The following STPG2 variants were observed in gnomAD, a reference collection of about 807,000 sequenced individuals.
The protein encoded by STPG2 is sperm-tail PG-rich repeat-containing protein 2.
Under a neutral mutation model 54.2 loss-of-function variants are expected in STPG2, and 56 were observed. The ratio of observed to expected loss-of-function variants is 1.03; its 90% CI spans 0.83 to 1.29. STPG2 has a LOEUF of 1.29. STPG2 is among the 50% of genes most tolerant of loss of function. The pLI, the probability that STPG2 is intolerant of heterozygous loss-of-function variation, is 0.00. For missense variants in STPG2, 596 were observed against 544.9 expected, an observed-to-expected ratio of 1.09 and a Z score of -0.93; for synonymous variants, 200 against 181.8, an observed-to-expected ratio of 1.10 and a Z score of -0.81.
intron 4 of STPG2, among the ~76,000 whole-genome samples, chr4:97,504,357 C>G (rs1277339614): frequency 6.6e-6 from 1 of 151,216 alleles, no homozygotes; most frequent in African/African-American, 2.4e-5. Context: ...AGTTTATAGT[C>G]TACTCAACTG....
intron 9 of STPG2, among the ~76,000 whole-genome samples, chr4:97,832,528 A>G (rs1728501365): frequency 6.6e-6 from 1 of 152,178 alleles, no homozygotes; most frequent in Admixed American, 6.5e-5. Context: ...CAATCAGGCA[A>G]GAGAAAGATA....
intron 10 of STPG2, among the ~76,000 whole-genome samples, chr4:97,701,954 A>G (rs942619140): frequency 5.3e-5 from 8 of 152,176 alleles, no homozygotes; most frequent in African/African-American, 1.9e-4. Flanking sequence ...GTTAGATGTG[A>G]CATACAGAGA....
At chr4:97,962,741 A>C (rs756288481) in intron 7 of STPG2, among the ~76,000 whole-genome samples, 1 of 152,236 alleles carries the variant, frequency 6.6e-6, no homozygotes, top group Non-Finnish European at 1.5e-5. Context: ...TACTAAGTAC[A>C]AAGAGTTTAA....
chr4:97,677,370 AATG>A (rs1488012211), intron 10 of STPG2, among the ~76,000 whole-genome samples: 2 of 152,182 alleles, frequency 1.3e-5, no homozygotes, highest in African/African-American at 4.8e-5. Flanking sequence ...TCATGAAAAA[AATG>A]ATGACTGGGT....
intron 9 of STPG2, among the ~76,000 whole-genome samples, chr4:97,823,257 G>A (rs895524528): frequency 5.9e-5 from 9 of 152,336 alleles, no homozygotes; most frequent in African/African-American, 1.9e-4. Flanking sequence ...TGGCTTCAAA[G>A]CTTCAAAGGA....
intron 10 of STPG2, among the ~76,000 whole-genome samples, chr4:97,602,910 A>C (rs1178967563): frequency 6.6e-6 from 1 of 151,746 alleles, no homozygotes; most frequent in Non-Finnish European, 1.5e-5. Flanking sequence ...AATACATAAC[A>C]TCATCTAGAC....
intron 9 of STPG2, among the ~76,000 whole-genome samples, chr4:97,829,895 T>G (rs994366444): frequency 6.6e-6 from 1 of 152,170 alleles, no homozygotes; most frequent in African/African-American, 2.4e-5. Flanking sequence ...AATCTACGTT[T>G]GTTAGGTGTA....
At chr4:97,800,493 A>T (rs1490811781) in intron 9 of STPG2, among the ~76,000 whole-genome samples, 3 of 152,228 alleles carry the variant, frequency 2.0e-5, no homozygotes, top group Non-Finnish European at 4.4e-5. Flanking sequence ...GCTGCAGAAT[A>T]GCGAATATTG....
At chr4:97,892,460 A>G (rs529472039) in intron 8 of STPG2, among the ~76,000 whole-genome samples, 1 of 152,296 alleles carries the variant, frequency 6.6e-6, no homozygotes, top group African/African-American at 2.4e-5. Flanking sequence ...GAAAGAGAAC[A>G]AAATGCCTTA....
chr4:97,911,879 C>G (rs551155551), intron 8 of STPG2, among the ~76,000 whole-genome samples: 1 of 152,146 alleles, frequency 6.6e-6, no homozygotes, highest in Non-Finnish European at 1.5e-5. Flanking sequence ...CCCGTTCTTC[C>G]CGACTGGGTG....
rs1733647533 is a variant in STPG2, at chr4:97,608,408, GC to G, written c.1321-49292del. ...AGTGGCACAGGTATAAGTGAGCTGA[GC>G]CCGTGTGAAGAGAAGGGAGGAATCG... On this transcript the variant is annotated intron_variant, in intron 10 of 10. Transcript: ENST00000295268. 2.0e-5 allele frequency among the ~76,000 whole-genome samples: 3 copies of G among 152,124 alleles called. No individual in the cohort carries two copies. In the South Asian group the frequency reaches 6.2e-4, roughly 32 times the overall value.
At position 98,089,492 on chromosome 4, in the gene STPG2, G is replaced by T. The variant is rs76873182; in HGVS notation, c.612+16461C>A. 3.4e-3 allele frequency among the ~76,000 whole-genome samples: 511 copies of T among 151,652 alleles called. 2 individuals are homozygous for T. Among genetic ancestry groups the T allele is most frequent in the Non-Finnish European group, 5.5e-3 (372 of 67,850 alleles). On this transcript the variant is annotated intron_variant, in intron 5 of 10. Transcript: ENST00000295268. The stretch of plus-strand genomic sequence containing the variant: ...GTTGGTTCCATATCTTTGCAATTGC[G>T]AACTGTGCTACTAAAAACATGCATG...
chr4:97,910,719 G>A (rs1431403038), intron 8 of STPG2, among the ~76,000 whole-genome samples: 1 of 152,072 alleles, frequency 6.6e-6, no homozygotes, highest in Admixed American at 6.6e-5. Flanking sequence ...ACTAAAATGA[G>A]AAAAGACAGT....
chr4:97,455,066 A>C (rs1478295875), intron 4 of STPG2, among the ~76,000 whole-genome samples: 1 of 152,188 alleles, frequency 6.6e-6, no homozygotes. Flanking sequence ...TAGAAAAAAA[A>C]ATCTAGACAC....
intron 4 of STPG2, among the ~76,000 whole-genome samples, chr4:97,513,907 A>G (rs900879357): frequency 6.6e-6 from 1 of 152,148 alleles, no homozygotes; most frequent in Non-Finnish European, 1.5e-5. Context: ...TGAGTCCCCA[A>G]AAAAGAATTG....
intron 10 of STPG2, among the ~76,000 whole-genome samples, chr4:97,711,660 A>G (rs370899108): frequency 2.1e-5 from 3 of 139,956 alleles, no homozygotes; most frequent in African/African-American, 7.9e-5. Context: ...TTTTATTTTT[A>G]TTTACTTACT....
intron 3 of STPG2, among the ~76,000 whole-genome samples, chr4:98,123,690 A>G (rs999031007): frequency 4.6e-5 from 7 of 152,180 alleles, no homozygotes; most frequent in South Asian, 2.1e-4. Flanking sequence ...AGTTCTGTAG[A>G]TATCTATCAG....
chr4:97,855,174 C>T (rs1729294767), intron 8 of STPG2, among the ~76,000 whole-genome samples: 1 of 152,070 alleles, frequency 6.6e-6, no homozygotes, highest in African/African-American at 2.4e-5. Flanking sequence ...TGGGCTGATT[C>T]CACGTCTTTG....
intron 9 of STPG2, among the ~76,000 whole-genome samples, chr4:97,718,298 T>C (rs1031468258): frequency 6.6e-6 from 1 of 151,970 alleles, no homozygotes; most frequent in Admixed American, 6.6e-5. Flanking sequence ...TTAAAGAAAA[T>C]CACTAATTTA....
Sources: gnomAD v4.1 joint callset for allele counts (sites outside exome capture counted in the v4.1 genomes callset) on GRCh38, gnomAD v4.1.1 for gene constraint, MANE v1.5 for transcripts, NCBI Gene and HGNC (gene_info 2026-07-23, HGNC 2026-07-21) for gene names.